The following FBXO34 variants were observed in gnomAD, a reference collection of about 807,000 sequenced individuals.
The protein encoded by FBXO34 is F-box only protein 34.
Under a neutral mutation model 24.5 loss-of-function variants are expected in FBXO34, and 12 were observed. The ratio of observed to expected loss-of-function variants is 0.49; its 90% CI spans 0.31 to 0.79. The LOEUF (loss-of-function observed/expected upper bound fraction) is 0.79, where lower values mean the gene tolerates loss of function less well. Ranked by LOEUF, FBXO34 falls within the 30% of genes least tolerant of loss-of-function variation. FBXO34 has a pLI of 0.04. For missense variants in FBXO34, 823 were observed against 857.7 expected (o/e 0.96, Z 0.51); for synonymous variants, 320 against 311.9 (o/e 1.03, Z -0.27).
chr14:55,405,995 A>G, the FBXO34 span, among the ~76,000 whole-genome samples: 1 of 152,180 alleles, frequency 6.6e-6, no homozygotes, highest in Non-Finnish European at 1.5e-5. Flanking sequence ...TGAGGATACC[A>G]AAGTTGTAGG....
rs1241184268 is a variant in FBXO34, at chr14:55,351,463, G to A, written c.1073G>A (p.Cys358Tyr). Residue 358 changes from cysteine (C) to tyrosine (Y), a missense_variant, in exon 2 of 2, where the codon TGT becomes TAT. By Grantham distance (194) the Cys-to-Tyr change is radical. Around this residue, in one of 2 missense-constraint regions of FBXO34, gnomAD observed 693 missense variants for 659.1 expected, o/e 1.05. Transcript: ENST00000313833. Reference sequence around the variant, plus strand: ...TGTGGCCCTTCAAGAGCTGATCGTTGTTCTCCTAAGGAGGACCAGGCCTGG... The same window carrying A: ...TGTGGCCCTTCAAGAGCTGATCGTTATTCTCCTAAGGAGGACCAGGCCTGG... The part of the protein sequence containing the change: ...VDCGPSRADR[C>Y]SPKEDQAWDG... The A allele has an allele frequency of 6.8e-6, 11 of 1,614,182 alleles. 1 individual carries two copies. Among genetic ancestry groups the A allele is most frequent in the South Asian group, 5.5e-5 (5 of 91,078 alleles).
intron 1 of FBXO34, among the ~76,000 whole-genome samples, chr14:55,300,988 A>G (rs1476091776): frequency 6.6e-6 from 1 of 152,262 alleles, no homozygotes. Context: ...ACATGGTGCC[A>G]GTCACTAAGG....
intron 1 of FBXO34, chr14:55,298,858 G>A (rs186380107): frequency 4.3e-5 from 70 of 1,611,722 alleles, no homozygotes; most frequent in East Asian, 3.8e-4. Flanking sequence ...CAGATCGACG[G>A]TACATTATCA....
At chr14:55,344,378 AAG>A (rs1311214902) in intron 1 of FBXO34, among the ~76,000 whole-genome samples, 1 of 152,106 alleles carries the variant, frequency 6.6e-6, no homozygotes, top group Non-Finnish European at 1.5e-5. Context: ...ATTTTGGAAA[AAG>A]AGTTGTTATC....
At chr14:55,344,185 G>A (rs1160966631) in intron 1 of FBXO34, among the ~76,000 whole-genome samples, 1 of 152,098 alleles carries the variant, frequency 6.6e-6, no homozygotes, top group Non-Finnish European at 1.5e-5. Context: ...TCACCTTCTA[G>A]TCACCCCTCC....
Position 55,351,854 on chromosome 14 carries a change from T to A in FBXO34, c.1464T>A (p.Gly488=). Residue 488 remains glycine, a synonymous_variant, in exon 2 of 2, where the codon GGT becomes GGA. Transcript: ENST00000313833. ...VPGMLFFLPP[G]QHLSDYSQLN... is the part of the protein sequence containing the mutation. ...GGATGTTGTTTTTTTTGCCACCTGG[T>A]CAGCACTTGTCAGACTATTCCCAGT... 1 of 1,614,158 alleles carries A rather than the reference T, an allele frequency of 6.2e-7. No individual in the cohort carries two copies. The highest frequency in any genetic ancestry group is 8.5e-7 in the Non-Finnish European group (1 of 1,180,026).
chr14:55,385,367 A>T, the FBXO34 span, among the ~76,000 whole-genome samples: 2 of 152,150 alleles, frequency 1.3e-5, no homozygotes, highest in African/African-American at 4.8e-5. Flanking sequence ...ATCTTGGCTC[A>T]CTGCGACCTC....
downstream of FBXO34, among the ~76,000 whole-genome samples, chr14:55,373,069 A>G (rs531954708): frequency 3.3e-5 from 5 of 152,304 alleles, no homozygotes; most frequent in South Asian, 1.0e-3. Context: ...TTAGAGATAC[A>G]TCACCTGCCT....
At chr14:55,381,915 T>C in the FBXO34 span, 1 of 1,520,560 alleles carries the variant, frequency 6.6e-7, no homozygotes, top group South Asian at 1.1e-5. Context: ...CAATTTTACC[T>C]ATAACTCTCT....
intron 1 of FBXO34, among the ~76,000 whole-genome samples, chr14:55,295,987 T>C (rs1470739749): frequency 6.6e-6 from 1 of 152,344 alleles, no homozygotes; most frequent in Admixed American, 6.5e-5. Flanking sequence ...AGTAATGTTA[T>C]GTTAAAGTTA....
chr14:55,423,757 G>C, the FBXO34 span, among the ~76,000 whole-genome samples: 1 of 152,198 alleles, frequency 6.6e-6, no homozygotes, highest in East Asian at 1.9e-4. Flanking sequence ...CTCAGTAATT[G>C]TGACAGACCC....
chr14:55,402,953 ATATATATATAT>A, the FBXO34 span, among the ~76,000 whole-genome samples: 1 of 77,274 alleles, frequency 1.3e-5, no homozygotes, highest in South Asian at 4.8e-4. Flanking sequence ...ATATATATAT[ATATATATATAT>A]ATATAAATAG....
the FBXO34 span, chr14:55,391,203 C>T: frequency 1.9e-5 from 8 of 416,318 alleles, no homozygotes; most frequent in Non-Finnish European, 3.4e-5. Context: ...TAGGCCAGTG[C>T]GGTGGCTCAC....
At chr14:55,347,764 C>G (rs1289747219) in intron 1 of FBXO34, among the ~76,000 whole-genome samples, 1 of 152,240 alleles carries the variant, frequency 6.6e-6, no homozygotes, top group Non-Finnish European at 1.5e-5. Context: ...ATGTCCCTCT[C>G]TATCAATAAT....
At chr14:55,276,501 G>A (rs750143011) in intron 1 of FBXO34, among the ~76,000 whole-genome samples, 1 of 152,026 alleles carries the variant, frequency 6.6e-6, no homozygotes, top group East Asian at 1.9e-4. Context: ...TTGTGCCTGA[G>A]CGAGTTAGAA....
downstream of FBXO34, among the ~76,000 whole-genome samples, chr14:55,363,587 C>T (rs1025381600): frequency 6.6e-6 from 1 of 152,144 alleles, no homozygotes; most frequent in East Asian, 1.9e-4. Context: ...CCTTCGTCTC[C>T]CAAAGTGCTG....
chr14:55,347,689 G>A (rs1470172341), intron 1 of FBXO34, among the ~76,000 whole-genome samples: 4 of 152,198 alleles, frequency 2.6e-5, no homozygotes, highest in Non-Finnish European at 5.9e-5. Flanking sequence ...CAAAGTGTTA[G>A]TTGAGCTGAC....
At chr14:55,435,183 A>T in the FBXO34 span, among the ~76,000 whole-genome samples, 5 of 152,372 alleles carry the variant, frequency 3.3e-5, no homozygotes, top group South Asian at 6.2e-4. Flanking sequence ...GGAAAGATAC[A>T]TAAGTGTCAG....
chr14:55,393,957 C>T, the FBXO34 span, among the ~76,000 whole-genome samples: 1 of 151,720 alleles, frequency 6.6e-6, no homozygotes, highest in Non-Finnish European at 1.5e-5. Context: ...CATCATTCCA[C>T]AGCACGTAGA....
Sources: allele counts gnomAD v4.1 joint callset (sites outside exome capture counted in the v4.1 genomes callset), GRCh38; gene constraint gnomAD v4.1.1; regional missense constraint gnomAD v4.1.1; transcripts MANE v1.5; gene names NCBI Gene and HGNC (gene_info 2026-07-23, HGNC 2026-07-21).